RALGAPB: variants seen among roughly 807,000 people sequenced by gnomAD.
RALGAPB encodes the protein ral GTPase-activating protein subunit beta.
A neutral mutation model predicts 161.1 loss-of-function variants in RALGAPB; 25 were observed. The observed-to-expected ratio is 0.16, with a 90% CI of 0.11 to 0.22. The LOEUF is 0.22. Among genes scored for constraint, RALGAPB ranks in the 10% least tolerant of loss-of-function variants. The pLI, the probability that RALGAPB is intolerant of heterozygous loss-of-function variation, is 1.00. For synonymous variants in RALGAPB, 629 were observed against 626.1 expected (o/e 1.00, Z -0.07); for missense variants, 1,391 against 1,815.2 (o/e 0.77, Z 4.25).
chr20:38,473,179 C>T (rs2084700884), intron 1 of RALGAPB, 110 bp downstream of exon 1: 1 of 317,510 alleles, frequency 3.1e-6, no homozygotes, highest in South Asian at 1.6e-4. Flanking sequence ...TCTGGGTGCT[C>T]CAGGGGCCCG....
At position 38,567,071 on chromosome 20, in the gene RALGAPB, T is replaced by A. The variant is rs540084770; in HGVS notation, c.3818-25T>A. 213 of 1,608,888 alleles carry A rather than the reference T, an allele frequency of 1.3e-4. No individual in the cohort carries two copies. The South Asian group carries it at 2.2e-3, about 17-fold the overall frequency. ...TCCAAATAAGTGGTATGTATTATAG[T>A]TGCTTTTTTTCCTTTACCCCATAGC... On this transcript the variant is annotated intron_variant, in intron 25 of 29. Coordinates refer to ENST00000262879, the MANE Select transcript of RALGAPB (RefSeq NM_020336.4).
chr20:38,565,524 T>G, intron 25 of RALGAPB, 46 bp downstream of exon 25: 1 of 1,593,624 alleles, frequency 6.3e-7, no homozygotes, highest in Non-Finnish European at 8.6e-7. Flanking sequence ...TATTTTTATA[T>G]TCCTGGGTTG....
chr20:38,521,070 A>T (rs2086275509), intron 9 of RALGAPB, among the ~76,000 whole-genome samples: 1 of 152,190 alleles, frequency 6.6e-6, no homozygotes. Context: ...TTGCCCATTT[A>T]ATTAGGATGT....
intron 26 of RALGAPB, chr20:38,569,330 A>G (rs2088137730): frequency 6.8e-6 from 1 of 147,890 alleles, no homozygotes; most frequent in African/African-American, 2.8e-5. Context: ...TTGCAGTGAA[A>G]CTTAAGAGTT....
intron 15 of RALGAPB, among the ~76,000 whole-genome samples, chr20:38,533,602 C>A (rs1332235231): frequency 6.6e-6 from 1 of 152,106 alleles, no homozygotes; most frequent in Non-Finnish European, 1.5e-5. Flanking sequence ...TGAGGCATGT[C>A]ATGAGCCATG....
intron 10 of RALGAPB, among the ~76,000 whole-genome samples, chr20:38,522,064 C>T (rs1324334099): frequency 6.6e-6 from 1 of 152,190 alleles, no homozygotes; most frequent in African/African-American, 2.4e-5. Flanking sequence ...GGCAAAGCCC[C>T]AAACAAAGCC....
Position 38,541,085 on chromosome 20 carries a change from A to G in RALGAPB, c.2607A>G (p.Ser869=), listed in dbSNP as rs751536207. Residue 869 remains serine (S), a synonymous_variant, in exon 18 of 30, where the codon TCA becomes TCG. Transcript: ENST00000262879. Reference sequence around the variant, plus strand: ...TGGAGATTGTGGAACTGGGTATCTCAGGAAGTAAGTCCAAGAACAATGAGC... The same window carrying G: ...TGGAGATTGTGGAACTGGGTATCTCGGGAAGTAAGTCCAAGAACAATGAGC... ...EVLEIVELGI[S]GSKSKNNEQE... is the part of the protein sequence containing the mutation. The G allele has an allele frequency of 6.2e-7, 1 of 1,614,110 alleles. No individual in the cohort carries two copies. The highest frequency in any genetic ancestry group is 1.7e-5 in the Admixed American group (1 of 60,012).
At chr20:38,558,237 T>A in intron 22 of RALGAPB, 58 bp from the exon 23 acceptor site, 1 of 1,339,100 alleles carries the variant, frequency 7.5e-7, no homozygotes, top group South Asian at 2.0e-5. Context: ...ATTGTTTTTA[T>A]AATTATAACA....
chr20:38,573,342 T>A (rs953983608), intron 28 of RALGAPB, among the ~76,000 whole-genome samples: 6 of 152,066 alleles, frequency 3.9e-5, no homozygotes, highest in African/African-American at 1.2e-4. Context: ...CTTGAAAGAT[T>A]GATTCAGTGT....
intron 3 of RALGAPB, among the ~76,000 whole-genome samples, chr20:38,494,399 G>A (rs1034687702): frequency 6.6e-6 from 1 of 152,258 alleles, no homozygotes; most frequent in Non-Finnish European, 1.5e-5. Context: ...TGGAGGCTGA[G>A]GCGGGTGGAT....
chr20:38,481,404 G>A (rs2084966647), intron 1 of RALGAPB, among the ~76,000 whole-genome samples: 1 of 152,226 alleles, frequency 6.6e-6, no homozygotes, highest in East Asian at 1.9e-4. Context: ...GGCTGGGGAA[G>A]CCTCACAATC....
At chr20:38,541,245 G>A (rs2086954512) in intron 18 of RALGAPB, 53 bp downstream of exon 18, 2 of 1,535,780 alleles carry the variant, frequency 1.3e-6, no homozygotes, top group East Asian at 2.3e-5. Flanking sequence ...GGGGTTAGCA[G>A]TGATCCATGT....
chr20:38,537,028 A>G (rs1043754679), intron 16 of RALGAPB, among the ~76,000 whole-genome samples: 1 of 152,218 alleles, frequency 6.6e-6, no homozygotes, highest in Non-Finnish European at 1.5e-5. Flanking sequence ...GTAAGCAATA[A>G]TTAGTCCTAA....
At chr20:38,523,939 G>A (rs749545948) in intron 10 of RALGAPB, among the ~76,000 whole-genome samples, 8 of 152,174 alleles carry the variant, frequency 5.3e-5, no homozygotes, top group Non-Finnish European at 1.2e-4. Flanking sequence ...TTTGGCAATC[G>A]AGAGCCCATT....
At chr20:38,559,565 G>A (rs781096129) in intron 23 of RALGAPB, among the ~76,000 whole-genome samples, 3 of 152,130 alleles carry the variant, frequency 2.0e-5, no homozygotes, top group Admixed American at 6.5e-5. Context: ...GTGGTGGCAG[G>A]CACCTGTAGT....
chr20:38,487,248 G>A lies in RALGAPB; in HGVS notation c.-30-1155G>A, dbSNP rs113817221. On this transcript the variant is annotated intron_variant, in intron 1 of 29. Transcript: ENST00000262879. ...GTTCTTTGTGGCCATTGCTTGGGAT[G>A]TTTGTGGGAAAGTGGCAGTAGAAGA... is the stretch of plus-strand genomic sequence containing the variant. Among the ~76,000 whole-genome samples the A allele has an allele frequency of 9.6e-3, 1,457 of 152,306 alleles. 7 individuals are homozygous for A. Among genetic ancestry groups the A allele is most frequent in the Non-Finnish European group, 0.014 (968 of 68,032 alleles).
Position 38,517,519 on chromosome 20 carries a change from C to T in RALGAPB, c.1065C>T (p.Pro355=), listed in dbSNP as rs769934895. The T allele has an allele frequency of 6.4e-7, 1 of 1,572,308 alleles. No individual in the cohort carries two copies. Among genetic ancestry groups the T allele is most frequent in the East Asian group, 2.3e-5 (1 of 44,326 alleles). ...LVDAFLGISR[P]RSDSAPPTPV... is the part of the protein sequence containing the mutation. ...TTTTTTTTTAAGGTATTTCTAGACC[C>T]CGATCAGACAGTGCTCCCCCAACAC... Residue 355 remains proline, a synonymous_variant, in exon 8 of 30, where the codon CCC becomes CCT. Coordinates refer to ENST00000262879, the MANE Select transcript of RALGAPB (RefSeq NM_020336.4).
At chr20:38,485,615 C>G (rs908777277) in intron 1 of RALGAPB, among the ~76,000 whole-genome samples, 6 of 151,960 alleles carry the variant, frequency 3.9e-5, no homozygotes, top group African/African-American at 1.4e-4. Context: ...TTAGTAGAGA[C>G]GGGGTTTTGC....
At chr20:38,569,583 C>T (rs1427129408) in intron 26 of RALGAPB, 1 of 247,974 alleles carries the variant, frequency 4.0e-6, no homozygotes, top group African/African-American at 2.2e-5. Context: ...AGACTCAAAT[C>T]TTTTAAGCCC....
Sources: gnomAD v4.1 joint callset for allele counts (sites outside exome capture counted in the v4.1 genomes callset) on GRCh38, gnomAD v4.1.1 for gene constraint, MANE v1.5 for transcripts, NCBI Gene and HGNC (gene_info 2026-07-23, HGNC 2026-07-21) for gene names.